The following HHIP variants were observed in gnomAD, a reference collection of about 807,000 sequenced individuals.
The protein encoded by HHIP is hedgehog-interacting protein.
HHIP carries 12 observed loss-of-function variants against 74.0 expected under a neutral mutation model. The observed-to-expected ratio is 0.16, with a 90% CI of 0.10 to 0.26. HHIP has a LOEUF of 0.26. HHIP is among the 10% of genes least tolerant of loss of function. HHIP has a pLI of 1.00. For synonymous variants in HHIP, 309 were observed against 311.6 expected (o/e 0.99, Z 0.09); for missense variants, 788 against 845.0 (o/e 0.93, Z 0.84).
intron 10 of HHIP, among the ~76,000 whole-genome samples, chr4:144,717,393 C>A (rs1363790950): frequency 6.6e-6 from 1 of 151,942 alleles, no homozygotes; most frequent in African/African-American, 2.4e-5. Flanking sequence ...TTTATTTTTT[C>A]TGTTGTGCCT....
In HHIP at chr4:144,712,003, G is replaced by T; in HGVS notation, c.1355G>T (p.Cys452Phe). The T allele has an allele frequency of 6.2e-7, 1 of 1,611,210 alleles. No homozygotes were observed. Among genetic ancestry groups the T allele is most frequent in the Non-Finnish European group, 8.5e-7 (1 of 1,177,620 alleles). The change falls in exon 8 of 13, where the codon TGT becomes TTT. Residue 452 changes from cysteine (C) to phenylalanine (F), a missense_variant. Transcript: ENST00000296575. Reference protein sequence around the residue: ...TDININLTILCSDSNGKNRSS... With the variant: ...TDININLTILFSDSNGKNRSS... ...ATAAACATCAATTTAACGATACTGTGTTCAGACTCCAATGGAAAAAACAGA... is the reference window on the plus strand; with the variant it reads ...ATAAACATCAATTTAACGATACTGTTTTCAGACTCCAATGGAAAAAACAGA...
chr4:144,712,885 GGT>G (rs4030000), intron 8 of HHIP, among the ~76,000 whole-genome samples: 136 of 144,060 alleles, frequency 9.4e-4, no homozygotes, highest in Non-Finnish European at 1.4e-3. Context: ...TTTTTTTTCA[GGT>G]GTGTGTGTGT....
chr4:144,672,245 C>T (rs996839914), intron 4 of HHIP, among the ~76,000 whole-genome samples: 2 of 152,104 alleles, frequency 1.3e-5, no homozygotes, highest in African/African-American at 2.4e-5. Flanking sequence ...TGGGTGGGTA[C>T]CTTGCCTCAT....
chr4:144,664,558 G>T (rs933939732), intron 4 of HHIP, among the ~76,000 whole-genome samples: 12 of 152,150 alleles, frequency 7.9e-5, no homozygotes, highest in African/African-American at 2.4e-5. Flanking sequence ...TGAGTGAAAT[G>T]AATCAAAGCA....
chr4:144,657,383 T>C (rs1164867098), intron 2 of HHIP, among the ~76,000 whole-genome samples: 1 of 152,210 alleles, frequency 6.6e-6, no homozygotes, highest in Non-Finnish European at 1.5e-5. Context: ...AGCTACTCAG[T>C]ATGTTTATCA....
chr4:144,647,690 G>C (rs1728305426), intron 1 of HHIP, among the ~76,000 whole-genome samples: 1 of 125,562 alleles, frequency 8.0e-6, no homozygotes, highest in African/African-American at 2.5e-5. Context: ...GTGTTAATAA[G>C]TTTAAATACT....
intron 2 of HHIP, among the ~76,000 whole-genome samples, chr4:144,654,273 C>T (rs1728502005): frequency 6.6e-6 from 1 of 152,150 alleles, no homozygotes; most frequent in African/African-American, 2.4e-5. Context: ...AAGCACCTCG[C>T]TCCCCAGATC....
intron 11 of HHIP, among the ~76,000 whole-genome samples, chr4:144,733,146 C>T (rs923621767): frequency 3.9e-5 from 6 of 152,094 alleles, no homozygotes; most frequent in Non-Finnish European, 8.8e-5. Context: ...CTTATCCCAC[C>T]CCACCCTTAC....
At chr4:144,683,105 G>A (rs1000503393) in intron 4 of HHIP, among the ~76,000 whole-genome samples, 1 of 152,108 alleles carries the variant, frequency 6.6e-6, no homozygotes, top group African/African-American at 2.4e-5. Context: ...TCCATTGTCA[G>A]GTCATAGGAT....
chr4:144,659,670 G>T lies in HHIP; in HGVS notation c.663G>T (p.Glu221Asp). The T allele has an allele frequency of 6.5e-7, 1 of 1,549,298 alleles. No individual in the cohort carries two copies. The highest frequency in any genetic ancestry group is 8.7e-7 in the Non-Finnish European group (1 of 1,153,366). Reference protein sequence around the residue: ...KHKHNCFCIQEVVSGLRQPVG... With the variant: ...KHKHNCFCIQDVVSGLRQPVG... ...AACACAACTGCTTCTGTATTCAGGA[G>T]GTTGTGAGTGGGCTGCGGCAGCCCG... Residue 221 changes from glutamate to aspartate, a missense_variant, in exon 4 of 13, where the codon GAG becomes GAT. By Grantham distance (45) the Glu-to-Asp change is conservative. Around this residue, in one of 3 missense-constraint regions of HHIP, gnomAD observed 373 missense variants for 366.4 expected, o/e 1.02. Coordinates refer to ENST00000296575, the MANE Select transcript of HHIP (RefSeq NM_022475.3).
intron 4 of HHIP, among the ~76,000 whole-genome samples, chr4:144,662,501 T>C (rs977428354): frequency 2.2e-4 from 33 of 152,236 alleles, no homozygotes; most frequent in Non-Finnish European, 5.9e-5. Context: ...AAGAATTAAC[T>C]TCTTTTTGCT....
chr4:144,708,431 T>C (rs1292068698), intron 7 of HHIP, 120 bp downstream of exon 7: 3 of 940,708 alleles, frequency 3.2e-6, no homozygotes, highest in East Asian at 5.2e-5. Context: ...TCTAAGGCCA[T>C]GCCTCTAAAG....
chr4:144,723,507 C>A (rs1730696692), intron 11 of HHIP, among the ~76,000 whole-genome samples: 1 of 152,196 alleles, frequency 6.6e-6, no homozygotes, highest in Non-Finnish European at 1.5e-5. Flanking sequence ...AGCCAGCAGG[C>A]AGCTCTGCCA....
At chr4:144,690,686 A>G (rs917248171) in intron 4 of HHIP, among the ~76,000 whole-genome samples, 5 of 152,190 alleles carry the variant, frequency 3.3e-5, no homozygotes, top group Non-Finnish European at 5.9e-5. Context: ...CTGATAAATT[A>G]TTTGGGCCTA....
chr4:144,733,200 T>C (rs1731009177), intron 11 of HHIP, among the ~76,000 whole-genome samples: 1 of 152,152 alleles, frequency 6.6e-6, no homozygotes, highest in African/African-American at 2.4e-5. Context: ...ACTGTTAATG[T>C]TTTCTGAATA....
At chr4:144,733,584 A>C (rs192911368) in intron 11 of HHIP, among the ~76,000 whole-genome samples, 83 of 152,304 alleles carry the variant, frequency 5.4e-4, no homozygotes, top group African/African-American at 1.9e-3. Context: ...AAAGCTCTGT[A>C]ATTTACCTCT....
chr4:144,709,996 G>A (rs181335985), intron 7 of HHIP, among the ~76,000 whole-genome samples: 3 of 152,264 alleles, frequency 2.0e-5, no homozygotes, highest in South Asian at 2.1e-4. Flanking sequence ...AATTCTGTAG[G>A]TTTAGACAAA....
chr4:144,692,624 T>G (rs982306312), intron 4 of HHIP, among the ~76,000 whole-genome samples: 5 of 152,136 alleles, frequency 3.3e-5, no homozygotes, highest in African/African-American at 1.2e-4. Context: ...CCTATTCTTG[T>G]CTTTTATAGC....
intron 4 of HHIP, among the ~76,000 whole-genome samples, chr4:144,705,040 A>C (rs945118395): frequency 1.3e-5 from 2 of 152,172 alleles, no homozygotes; most frequent in Non-Finnish European, 2.9e-5. Flanking sequence ...GCATATTGTG[A>C]TGTGGAGGAA....
Sources: allele counts gnomAD v4.1 joint callset (sites outside exome capture counted in the v4.1 genomes callset), GRCh38; gene constraint gnomAD v4.1.1; regional missense constraint gnomAD v4.1.1; transcripts MANE v1.5; gene names NCBI Gene and HGNC (gene_info 2026-07-23, HGNC 2026-07-21).